SPAG17: variants seen among roughly 807,000 people sequenced by gnomAD.
The protein encoded by SPAG17 is sperm-associated antigen 17.
Under a neutral mutation model 273.6 loss-of-function variants are expected in SPAG17, and 169 were observed. The observed-to-expected ratio is 0.62, with a 90% CI of 0.55 to 0.70. SPAG17 has a LOEUF of 0.70. Among genes scored for constraint, SPAG17 ranks in the 30% least tolerant of loss-of-function variants. The pLI is 0.00. For synonymous variants in SPAG17, 825 were observed against 873.2 expected, an observed-to-expected ratio of 0.94 and a Z score of 0.97; for missense variants, 2,557 against 2,627.8, an observed-to-expected ratio of 0.97 and a Z score of 0.59.
chr1:118,025,500 C>G, intron 26 of SPAG17, 84 bp from the exon 27 acceptor site: 2 of 1,042,990 alleles, frequency 1.9e-6, no homozygotes, highest in South Asian at 2.0e-5. Flanking sequence ...TTTTCTTTTT[C>G]TTTTCTTTTC....
chr1:117,987,936 A>AGGAAAGGAAAGTATGGTG, intron 39 of SPAG17, 55 bp from the exon 40 acceptor site: 7 of 1,593,882 alleles, frequency 4.4e-6, no homozygotes, highest in Non-Finnish European at 6.0e-6. Flanking sequence ...TCAGCTTAAA[A>AGGAAAGGAAAGTATGGTG]ACAAAACCAA....
intron 3 of SPAG17, among the ~76,000 whole-genome samples, chr1:118,116,204 T>C (rs1328598072): frequency 1.2e-4 from 19 of 152,148 alleles, no homozygotes; most frequent in Admixed American, 1.2e-3. Context: ...AACCACTTTA[T>C]TTACTGCAAA....
At chr1:118,169,113 C>CA (rs1660303449) in intron 1 of SPAG17, among the ~76,000 whole-genome samples, 1 of 152,152 alleles carries the variant, frequency 6.6e-6, no homozygotes, top group East Asian at 1.9e-4. Context: ...CTCATACTGG[C>CA]AACACTTATA....
chr1:117,971,051 C>CG (rs923428109), intron 45 of SPAG17, among the ~76,000 whole-genome samples: 6 of 151,482 alleles, frequency 4.0e-5, no homozygotes, highest in Admixed American at 2.0e-4. Flanking sequence ...ATGCTTCTAT[C>CG]GTTTTTTTTT....
chr1:118,152,053 G>A (rs1222521148), intron 1 of SPAG17, among the ~76,000 whole-genome samples: 1 of 152,092 alleles, frequency 6.6e-6, no homozygotes, highest in Non-Finnish European at 1.5e-5. Context: ...GCGCTCACTG[G>A]ATTACCTCAC....
At chr1:118,175,582 A>T (rs549796046) in intron 1 of SPAG17, among the ~76,000 whole-genome samples, 1 of 152,022 alleles carries the variant, frequency 6.6e-6, no homozygotes, top group African/African-American at 2.4e-5. Flanking sequence ...TACAAAAAAA[A>T]AAAAAAAAAA....
chr1:118,027,604 G>A (rs151133945), intron 26 of SPAG17, among the ~76,000 whole-genome samples: 459 of 152,206 alleles, frequency 3.0e-3, no homozygotes, highest in African/African-American at 0.011. Context: ...TGCCTGCTTT[G>A]TTGCATCTTC....
chr1:118,067,852 TAG>T, intron 17 of SPAG17, among the ~76,000 whole-genome samples: 1 of 152,266 alleles, frequency 6.6e-6, no homozygotes, highest in Admixed American at 6.5e-5. Flanking sequence ...CATGCTGTGT[TAG>T]ATGAAGTGAA....
chr1:118,115,515 T>C (rs1276347514), intron 3 of SPAG17, 74 bp from the exon 4 acceptor site: 1 of 1,400,920 alleles, frequency 7.1e-7, no homozygotes, highest in Non-Finnish European at 9.6e-7. Context: ...GATGAAAAGA[T>C]GAAAGGAAAT....
intron 29 of SPAG17, among the ~76,000 whole-genome samples, chr1:118,014,817 G>T (rs144727311): frequency 1.3e-5 from 2 of 152,286 alleles, no homozygotes; most frequent in Admixed American, 6.5e-5. Flanking sequence ...GGAATGGAAA[G>T]AGCTCAGTTT....
At chr1:118,173,017 T>C (rs1660490099) in intron 1 of SPAG17, among the ~76,000 whole-genome samples, 1 of 151,724 alleles carries the variant, frequency 6.6e-6, no homozygotes, top group Non-Finnish European at 1.5e-5. Flanking sequence ...TCCCATATGA[T>C]AGGCTTGGAA....
chr1:118,093,679 C>T (rs989975185), intron 7 of SPAG17, among the ~76,000 whole-genome samples: 17 of 152,196 alleles, frequency 1.1e-4, no homozygotes, highest in African/African-American at 4.8e-5. Flanking sequence ...TTAATATCCT[C>T]AGCCAGTGAC....
chr1:117,978,722 G>A (rs1655399627), intron 43 of SPAG17, among the ~76,000 whole-genome samples: 1 of 152,062 alleles, frequency 6.6e-6, no homozygotes, highest in Admixed American at 6.6e-5. Flanking sequence ...AAGTTCACCA[G>A]TGATCTTCAT....
chr1:118,022,954 A>C (rs906025370), intron 28 of SPAG17, among the ~76,000 whole-genome samples: 6 of 152,104 alleles, frequency 3.9e-5, no homozygotes. Context: ...CCTTCTTGCA[A>C]TTATGAGGAA....
chr1:118,099,348 CT>C (rs1264486755), intron 6 of SPAG17, among the ~76,000 whole-genome samples: 1 of 152,172 alleles, frequency 6.6e-6, no homozygotes, highest in African/African-American at 2.4e-5. Flanking sequence ...ATAACCAAGT[CT>C]TCTGAACTGC....
chr1:118,183,320 A>G (rs1466726829), intron 1 of SPAG17, among the ~76,000 whole-genome samples: 2 of 152,092 alleles, frequency 1.3e-5, no homozygotes, highest in African/African-American at 4.8e-5. Context: ...GTCATCTATA[A>G]CCTAAATTCA....
chr1:118,013,713 TG>T (rs1659697081), intron 29 of SPAG17, among the ~76,000 whole-genome samples: 2 of 152,182 alleles, frequency 1.3e-5, no homozygotes, highest in Non-Finnish European at 2.9e-5. Flanking sequence ...TTACATATTA[TG>T]ATTTAGAATT....
intron 39 of SPAG17, 32 bp from the exon 40 acceptor site, chr1:117,987,913 A>T (rs777376649): frequency 6.2e-7 from 1 of 1,611,278 alleles, no homozygotes; most frequent in Non-Finnish European, 8.5e-7. Flanking sequence ...TATGGTGAAA[A>T]GGGGCAATGA....
chr1:118,100,296 T>G (rs1280130450), intron 5 of SPAG17, among the ~76,000 whole-genome samples: 1 of 152,150 alleles, frequency 6.6e-6, no homozygotes, highest in Non-Finnish European at 1.5e-5. Flanking sequence ...GAATCCCGAG[T>G]ATGGATTATG....
Sources: gnomAD v4.1 joint callset for allele counts (sites outside exome capture counted in the v4.1 genomes callset) on GRCh38, gnomAD v4.1.1 for gene constraint, MANE v1.5 for transcripts, NCBI Gene and HGNC (gene_info 2026-07-23, HGNC 2026-07-21) for gene names.